Variants in CCDC51 observed in about 807,000 individuals in gnomAD.
CCDC51 encodes mitochondrial potassium channel.
Under a neutral mutation model 24.8 loss-of-function variants are expected in CCDC51, and 25 were observed. The ratio of observed to expected loss-of-function variants is 1.01; its 90% CI spans 0.73 to 1.41. CCDC51 has a LOEUF of 1.41. Among genes scored for constraint, CCDC51 ranks in the 40% most tolerant of loss-of-function variants. The pLI is 0.00. For synonymous variants in CCDC51, 190 were observed against 204.3 expected (o/e 0.93, Z 0.60); for missense variants, 466 against 519.1 (o/e 0.90, Z 0.99).
Position 48,432,930 on chromosome 3 carries a change from C to T in CCDC51, c.714G>A (p.Gln238=), listed in dbSNP as rs1174100010. The change falls in exon 4 of 4, where the codon CAG becomes CAA. Residue 238 remains glutamine (Q), a synonymous_variant. Coordinates refer to ENST00000395694, the MANE Select transcript of CCDC51 (RefSeq NM_001256964.2). ...CCTCTTGGAGACTCACAGGCCCCTT[C>T]TGCGCCTCCAGGAGTAAAGCCTTCA... ...QELKALLLEA[Q]KGPVSLQEAI... 2 of 1,614,128 alleles carry T rather than the reference C, an allele frequency of 1.2e-6. No homozygotes were observed. Among genetic ancestry groups the T allele is most frequent in the East Asian group, 4.5e-5 (2 of 44,872 alleles).
chr3:48,433,119 C>T lies in CCDC51; in HGVS notation c.525G>A (p.Glu175=). 1 of 1,613,824 alleles carries T rather than the reference C, an allele frequency of 6.2e-7. No homozygotes were observed. Among genetic ancestry groups the T allele is most frequent in the Non-Finnish European group, 8.5e-7 (1 of 1,179,960 alleles). ...RTAYLRAEDS[E]REKFSLFSAA... ...CAGAGAAGAGGGAGAACTTCTCTCG[C>T]TCAGAGTCTTCTGCACGCAGATAGG... Residue 175 remains glutamate (E), a synonymous_variant, in exon 4 of 4, where the codon GAG becomes GAA. Transcript: ENST00000395694. The surrounding 1 kb of genome is among the most constrained non-coding windows in gnomAD (Gnocchi z 4.4).
chr3:48,440,497 G>A, upstream of CCDC51: 1 of 1,603,364 alleles, frequency 6.2e-7, no homozygotes, highest in Non-Finnish European at 8.5e-7. Flanking sequence ...GTGCGGGGGC[G>A]CTGGGAGACA....
In CCDC51 at chr3:48,433,921, C is replaced by T. The variant is rs778606484; in HGVS notation, c.313-50G>A. ...TCTGCACCTTCTCTCCACACCCACA[C>T]AGGCTCAGCTGCATTCCCAGCAAGG... On this transcript the variant is annotated intron_variant, in intron 2 of 3. Transcript: ENST00000395694. This position sits in a 1 kb window ranked among gnomAD's most constrained non-coding sequence, Gnocchi z 4.4. 1 of 1,584,784 alleles carries T rather than the reference C, an allele frequency of 6.3e-7. No homozygotes were observed. Among genetic ancestry groups the T allele is most frequent in the South Asian group, 1.2e-5 (1 of 86,688 alleles).
Position 48,432,661 on chromosome 3 carries a change from T to C in CCDC51, c.983A>G (p.Glu328Gly). The change falls in exon 4 of 4, where the codon GAA (glutamate) becomes GGA (glycine). Residue 328 changes from glutamate (E) to glycine (G), a missense_variant. Glu to Gly is a moderately conservative substitution (Grantham distance 98). Coordinates refer to ENST00000395694, the MANE Select transcript of CCDC51 (RefSeq NM_001256964.2). ...EGLREQLDGL[E>G]KTCSQMAGVV... ...CCCAGCCATTTGGCTACAAGTCTTT[T>C]CTAGGCCATCAAGCTGCTCTCGTAA... 6.2e-7 allele frequency: 1 copy of C among 1,614,246 alleles called. No individual in the cohort carries two copies. Among genetic ancestry groups the C allele is most frequent in the Non-Finnish European group, 8.5e-7 (1 of 1,180,040 alleles).
At position 48,436,873 on chromosome 3, in the gene CCDC51, G is replaced by A. The variant is rs187821657; in HGVS notation, c.-8-1737C>T. On this transcript the variant is annotated intron_variant, in intron 1 of 3. Transcript: ENST00000395694. The stretch of plus-strand genomic sequence containing the variant: ...TGCAATCTCGGCTTTCTCCCCTGCC[G>A]TCCCCCACCCCCATGTTCTGCACAT... 3.2e-3 allele frequency among the ~76,000 whole-genome samples: 492 copies of A among 152,186 alleles called. 3 individuals carry two copies. The highest frequency in any genetic ancestry group is 4.6e-3 in the Non-Finnish European group (310 of 67,998).
chr3:48,440,159 G>A, upstream of CCDC51: 1 of 1,421,606 alleles, frequency 7.0e-7, no homozygotes, highest in Non-Finnish European at 9.3e-7. Context: ...ACCCGCCCCT[G>A]GAGCGCCGCA....
upstream of CCDC51, among the ~76,000 whole-genome samples, chr3:48,442,144 C>T (rs553609691): frequency 1.3e-5 from 2 of 151,894 alleles, no homozygotes; most frequent in African/African-American, 4.8e-5. Context: ...GAGGCAGCCT[C>T]GCTTAAGCCC....
chr3:48,443,971 T>C (rs1323317851), upstream of CCDC51: 4 of 955,332 alleles, frequency 4.2e-6, no homozygotes, highest in Non-Finnish European at 5.8e-6. Context: ...TTTTGCCACG[T>C]ATAGCTGGAA....
chr3:48,432,726 C>G lies in CCDC51; in HGVS notation c.918G>C (p.Gln306His), dbSNP rs747120873. ...AATGGACTTGCCTGGAATGACTAAG[C>G]TGCTCTTTCAAGGCAGCTGAAAGGA... ...VDVLSAALKE[Q>H]LSHSRQVHSC... The change falls in exon 4 of 4, where the codon CAG (glutamine) becomes CAC (histidine). Residue 306 changes from glutamine (Q) to histidine (H), a missense_variant. By Grantham distance (24) the Gln-to-His change is conservative. Transcript: ENST00000395694. 6.2e-7 allele frequency: 1 copy of G among 1,614,220 alleles called. No individual in the cohort carries two copies.
Position 48,437,399 on chromosome 3 carries a change from G to A in CCDC51, c.-8-2263C>T, listed in dbSNP as rs1488771281. Among the ~76,000 whole-genome samples, 1 of 151,858 alleles carries A rather than the reference G, an allele frequency of 6.6e-6. No individual in the cohort carries two copies. Among genetic ancestry groups the A allele is most frequent in the Admixed American group, 6.6e-5 (1 of 15,232 alleles). On this transcript the variant is annotated intron_variant, in intron 1 of 3. Coordinates refer to ENST00000395694, the MANE Select transcript of CCDC51 (RefSeq NM_001256964.2). This position sits in a 1 kb window ranked among gnomAD's most constrained non-coding sequence, Gnocchi z 4.2. ...CCCCAACCCTGGGCCCTGTTTCTCA[G>A]CCCCCAGGATGTCACCACTTAGATG...
chr3:48,440,820 T>G (rs568501955), upstream of CCDC51: 11 of 614,836 alleles, frequency 1.8e-5, no homozygotes, highest in Admixed American at 3.3e-4. Flanking sequence ...AAACGAGGTC[T>G]CCTGCCTCCC....
the CCDC51 span, among the ~76,000 whole-genome samples, chr3:48,445,632 T>C: frequency 6.6e-6 from 1 of 152,220 alleles, no homozygotes; most frequent in South Asian, 2.1e-4. Flanking sequence ...CATGCAACAC[T>C]TGGGAAGCTA....
chr3:48,438,173 A>G (rs1406697862), intron 1 of CCDC51: 1 of 152,132 alleles, frequency 6.6e-6, no homozygotes, highest in East Asian at 1.9e-4. Context: ...TCTCTTATCC[A>G]GTCCTGTGGT....
upstream of CCDC51, chr3:48,440,751 G>A: frequency 1.2e-6 from 1 of 852,380 alleles, no homozygotes; most frequent in Non-Finnish European, 1.9e-6. Flanking sequence ...GACGTCCGCT[G>A]CAGCGAATGG....
chr3:48,446,001 G>T, the CCDC51 span, among the ~76,000 whole-genome samples: 2 of 152,192 alleles, frequency 1.3e-5, no homozygotes, highest in Admixed American at 1.3e-4. Context: ...TAGAATTCTC[G>T]TGTTAGTCTT....
the CCDC51 span, chr3:48,446,286 C>G: frequency 6.6e-6 from 1 of 152,366 alleles, no homozygotes; most frequent in African/African-American, 2.4e-5. Context: ...GAAACATTCA[C>G]TAAACCCGAA....
At position 48,432,848 on chromosome 3, in the gene CCDC51, T is replaced by A. The variant is rs116932390; in HGVS notation, c.796A>T (p.Met266Leu). ...SRQQRDLHNLMVDLRGLVHAA... is the reference protein window; with the variant it reads ...SRQQRDLHNLLVDLRGLVHAA... Reference sequence around the variant, plus strand: ...TGTACCAGGCCCCTCAGGTCCACCATGAGATTGTGGAGGTCCCTCTGCTGG... The same window carrying A: ...TGTACCAGGCCCCTCAGGTCCACCAAGAGATTGTGGAGGTCCCTCTGCTGG... Residue 266 changes from methionine (M) to leucine (L), a missense_variant, in exon 4 of 4, where the codon ATG becomes TTG. Coordinates refer to ENST00000395694, the MANE Select transcript of CCDC51 (RefSeq NM_001256964.2). 1 of 1,594,150 alleles carries A rather than the reference T, an allele frequency of 6.3e-7. No homozygotes were observed. The highest frequency in any genetic ancestry group is 8.6e-7 in the Non-Finnish European group (1 of 1,162,440).
upstream of CCDC51, among the ~76,000 whole-genome samples, chr3:48,441,570 G>C (rs1484618862): frequency 6.6e-6 from 1 of 151,516 alleles, no homozygotes; most frequent in African/African-American, 2.4e-5. Flanking sequence ...GGTATGCCTA[G>C]ACTAAAAGAT....
At position 48,433,254 on chromosome 3, in the gene CCDC51, G is replaced by T; in HGVS notation, c.478-88C>A. On this transcript the variant is annotated intron_variant, in intron 3 of 3. Coordinates refer to ENST00000395694, the MANE Select transcript of CCDC51 (RefSeq NM_001256964.2). The surrounding 1 kb of genome is among the most constrained non-coding windows in gnomAD (Gnocchi z 4.4). ...ACCAGCAGATGGCTCACTACCTTGT[G>T]CCTGGCAGAGTACATGTTCCATAGA... 7.8e-7 allele frequency: 1 copy of T among 1,281,268 alleles called. No individual in the cohort carries two copies. Among genetic ancestry groups the T allele is most frequent in the Non-Finnish European group, 1.1e-6 (1 of 916,348 alleles). The allele number at this position is 1,281,268 out of a possible 1,614,324, so 79.4% of individuals were successfully genotyped here.
Sources: gnomAD v4.1 joint callset for allele counts (sites outside exome capture counted in the v4.1 genomes callset) on GRCh38, gnomAD v4.1.1 for gene constraint, Gnocchi (gnomAD v3.1) non-coding constraint, MANE v1.5 for transcripts, NCBI Gene and HGNC (gene_info 2026-07-23, HGNC 2026-07-21) for gene names.